Variants in ANK2 observed in about 807,000 individuals in gnomAD.
The protein encoded by ANK2 is ankyrin 2.
A neutral mutation model predicts 360.5 loss-of-function variants in ANK2; 83 were observed. That is an observed-to-expected ratio of 0.23 (90% CI 0.19 to 0.28). The LOEUF (loss-of-function observed/expected upper bound fraction) is 0.28. Among genes scored for constraint, ANK2 ranks in the 10% least tolerant of loss-of-function variants. The pLI is 1.00. For synonymous variants in ANK2, 1,740 were observed against 1,759.5 expected, an observed-to-expected ratio of 0.99 and a Z score of 0.28; for missense variants, 4,201 against 4,795.7, an observed-to-expected ratio of 0.88 and a Z score of 3.66.
At chr4:113,345,210 C>T (rs1021345663) in intron 34 of ANK2, among the ~76,000 whole-genome samples, 5 of 152,072 alleles carry the variant, frequency 3.3e-5, no homozygotes, top group Non-Finnish European at 7.4e-5. Flanking sequence ...CTATATGGTT[C>T]CTCCATTTCT....
the ANK2 span, among the ~76,000 whole-genome samples, chr4:112,747,982 G>A: frequency 6.6e-6 from 1 of 152,220 alleles, no homozygotes; most frequent in East Asian, 1.9e-4. Context: ...TTGATAAAAG[G>A]ATTTGGCTAT....
chr4:113,214,462 A>G, intron 4 of ANK2: 1 of 697,116 alleles, frequency 1.4e-6, no homozygotes, highest in Non-Finnish European at 2.5e-6. Context: ...TATTTAAATA[A>G]ACAATCTGGA....
At chr4:113,023,436 T>C (rs1470739467) in intron 2 of ANK2, among the ~76,000 whole-genome samples, 1 of 152,184 alleles carries the variant, frequency 6.6e-6, no homozygotes, top group African/African-American at 2.4e-5. Context: ...TCATGCATGC[T>C]CTACCCTTGG....
chr4:113,043,333 A>G (rs1432197236), intron 2 of ANK2, among the ~76,000 whole-genome samples: 1 of 152,094 alleles, frequency 6.6e-6, no homozygotes, highest in Non-Finnish European at 1.5e-5. Context: ...GACTAACACT[A>G]GGACAGACAC....
intron 14 of ANK2, among the ~76,000 whole-genome samples, chr4:113,273,638 C>T (rs1011281030): frequency 3.9e-5 from 6 of 152,178 alleles, no homozygotes; most frequent in Non-Finnish European, 8.8e-5. Flanking sequence ...CTTTTTATCA[C>T]TAAAGTTACA....
chr4:113,183,109 G>A (rs1468920262), intron 2 of ANK2, among the ~76,000 whole-genome samples: 1 of 152,090 alleles, frequency 6.6e-6, no homozygotes, highest in Non-Finnish European at 1.5e-5. Context: ...GGAGCAGGAA[G>A]TGGTGTGGGT....
chr4:112,905,430 C>T (rs565870735), intron 2 of ANK2, among the ~76,000 whole-genome samples: 1 of 152,246 alleles, frequency 6.6e-6, no homozygotes, highest in East Asian at 1.9e-4. Context: ...AAGCATTTCT[C>T]ATTTTGCTTA....
intron 18 of ANK2, 90 bp downstream of exon 18, chr4:113,282,962 A>G (rs1372955758): frequency 3.5e-6 from 5 of 1,412,520 alleles, no homozygotes; most frequent in Non-Finnish European, 9.9e-7. Flanking sequence ...AAAAGGAGCA[A>G]TGTATTAAAA....
chr4:113,276,198 C>T (rs2060201542), intron 15 of ANK2, among the ~76,000 whole-genome samples: 1 of 152,066 alleles, frequency 6.6e-6, no homozygotes, highest in Non-Finnish European at 1.5e-5. Context: ...ACCTCGGCCT[C>T]CTAAAGTGCT....
At chr4:112,736,724 A>G in the ANK2 span, among the ~76,000 whole-genome samples, 1 of 152,170 alleles carries the variant, frequency 6.6e-6, no homozygotes, top group Admixed American at 6.6e-5. Flanking sequence ...CTCATTCTGC[A>G]AATCCTTTTT....
intron 40 of ANK2, among the ~76,000 whole-genome samples, chr4:113,364,751 T>C (rs1466101081): frequency 6.6e-6 from 1 of 152,230 alleles, no homozygotes; most frequent in Non-Finnish European, 1.5e-5. Context: ...TTGTAATATT[T>C]GGGGCATATT....
chr4:113,020,625 C>T (rs2057802276), intron 2 of ANK2, among the ~76,000 whole-genome samples: 1 of 151,944 alleles, frequency 6.6e-6, no homozygotes, highest in African/African-American at 2.4e-5. Flanking sequence ...GTCAGGAGTC[C>T]AAGACCAGCC....
At chr4:112,965,386 T>G (rs533426982) in intron 2 of ANK2, among the ~76,000 whole-genome samples, 87 of 152,326 alleles carry the variant, frequency 5.7e-4, no homozygotes, top group Admixed American at 9.2e-4. Context: ...TTTGAGCTCC[T>G]TGTATATTCT....
At chr4:113,250,387 C>T (rs1385126103) in intron 10 of ANK2, among the ~76,000 whole-genome samples, 1 of 152,158 alleles carries the variant, frequency 6.6e-6, no homozygotes, top group Non-Finnish European at 1.5e-5. Flanking sequence ...AGGCCACCTA[C>T]AAAGAACTAT....
At chr4:113,140,716 C>T (rs2096606226) in intron 1 of ANK2, among the ~76,000 whole-genome samples, 1 of 152,074 alleles carries the variant, frequency 6.6e-6, no homozygotes, top group Non-Finnish European at 1.5e-5. Flanking sequence ...CAGTGGCTCA[C>T]ACTTGTAACC....
At chr4:112,842,413 G>C (rs1013836050) in intron 1 of ANK2, among the ~76,000 whole-genome samples, 1 of 152,154 alleles carries the variant, frequency 6.6e-6, no homozygotes, top group Non-Finnish European at 1.5e-5. Flanking sequence ...GTAATGATTC[G>C]TAAGAGTTAT....
chr4:112,984,420 G>A (rs2044168756), intron 2 of ANK2, among the ~76,000 whole-genome samples: 1 of 152,194 alleles, frequency 6.6e-6, no homozygotes, highest in South Asian at 2.1e-4. Flanking sequence ...GAGAGAGCTT[G>A]TGCAGGAAAA....
At chr4:113,365,637 C>A (rs143459997) in intron 41 of ANK2, among the ~76,000 whole-genome samples, 163 of 152,032 alleles carry the variant, frequency 1.1e-3, no homozygotes, top group African/African-American at 3.7e-3. Flanking sequence ...TTCCCCTAAC[C>A]TATTCTCATT....
intron 1 of ANK2, among the ~76,000 whole-genome samples, chr4:113,102,036 T>C (rs150254558): frequency 8.9e-4 from 135 of 152,224 alleles, no homozygotes; most frequent in Non-Finnish European, 1.6e-3. Flanking sequence ...CTAAGTTTAA[T>C]GGAAATTTAT....
Sources: gnomAD v4.1 joint callset for allele counts (sites outside exome capture counted in the v4.1 genomes callset) on GRCh38, gnomAD v4.1.1 for gene constraint, MANE v1.5 for transcripts, NCBI Gene and HGNC (gene_info 2026-07-23, HGNC 2026-07-21) for gene names.